The following ARID4A variants were observed in gnomAD, a reference collection of about 807,000 sequenced individuals.
ARID4A encodes AT-rich interaction domain 4A.
Under a neutral mutation model 148.6 loss-of-function variants are expected in ARID4A, and 39 were observed. The observed-to-expected ratio is 0.26, with a 90% CI of 0.20 to 0.34. The LOEUF is 0.34. ARID4A is among the 10% of genes least tolerant of loss of function. ARID4A has a pLI of 1.00. For synonymous variants in ARID4A, 475 were observed against 481.2 expected (o/e 0.99, Z 0.17); for missense variants, 1,265 against 1,449.1 (o/e 0.87, Z 2.06).
intron 23 of ARID4A, among the ~76,000 whole-genome samples, chr14:58,368,882 T>C (rs1415785228): frequency 6.6e-6 from 1 of 152,224 alleles, no homozygotes; most frequent in Non-Finnish European, 1.5e-5. Flanking sequence ...GGCACCACGT[T>C]GGTGCTCAAA....
At chr14:58,353,956 T>C (rs1415033443) in intron 17 of ARID4A, 101 bp downstream of exon 17, 1 of 1,067,582 alleles carries the variant, frequency 9.4e-7, no homozygotes, top group East Asian at 2.5e-5. Context: ...TGGTACATAT[T>C]TACAAAGCAC....
At chr14:58,343,361 T>C (rs996939624) in intron 11 of ARID4A, among the ~76,000 whole-genome samples, 3 of 152,230 alleles carry the variant, frequency 2.0e-5, no homozygotes, top group Non-Finnish European at 1.5e-5. Flanking sequence ...CCCTTTCTCT[T>C]GATTGCCTCA....
rs550303097 is a variant in ARID4A at position 58,330,746 on chromosome 14, A to G, written c.906+577A>G. The stretch of plus-strand genomic sequence containing the variant: ...TTCATTTGGCAATTTGATAAATCAT[A>G]GAAAATATTTAGATTATATGTTCTA... On this transcript the variant is annotated intron_variant, in intron 11 of 23. Coordinates refer to ENST00000355431, the MANE Select transcript of ARID4A (RefSeq NM_002892.4). Among the ~76,000 whole-genome samples the G allele has an allele frequency of 3.3e-5, 5 of 152,350 alleles. No homozygotes were observed. The East Asian group carries it at 9.6e-4, about 29-fold the overall frequency.
At chr14:58,318,455 A>T in intron 5 of ARID4A, 87 bp from the exon 6 acceptor site, 1 of 1,253,936 alleles carries the variant, frequency 8.0e-7, no homozygotes, top group Non-Finnish European at 1.2e-6. Context: ...ATTAAGCTCT[A>T]ATTAATAGCA....
At chr14:58,327,596 T>C (rs1032270781) in intron 8 of ARID4A, among the ~76,000 whole-genome samples, 2 of 152,172 alleles carry the variant, frequency 1.3e-5, no homozygotes, top group Admixed American at 1.3e-4. Context: ...TCACAGATTA[T>C]ACATTTTATT....
chr14:58,308,382 T>G (rs940580663), intron 5 of ARID4A, among the ~76,000 whole-genome samples: 2 of 152,232 alleles, frequency 1.3e-5, no homozygotes, highest in Non-Finnish European at 2.9e-5. Flanking sequence ...CAAGAATGTT[T>G]TAATAAGCAT....
At chr14:58,323,798 T>G (rs1485813081) in intron 8 of ARID4A, among the ~76,000 whole-genome samples, 181 bp downstream of exon 8, 1 of 152,146 alleles carries the variant, frequency 6.6e-6, no homozygotes, top group Non-Finnish European at 1.5e-5. Context: ...GGTTATTCTT[T>G]CTTTAATTCT....
rs1487186603 is a variant in ARID4A, at chr14:58,366,067, A to G, written c.3360A>G (p.Ser1120=). 5 of 1,613,836 alleles carry G rather than the reference A, an allele frequency of 3.1e-6. No homozygotes were observed. The highest frequency in any genetic ancestry group is 4.2e-6 in the Non-Finnish European group (5 of 1,179,766). ...DSEDLPVLDN[S]SKCTPVKHLN... is the part of the protein sequence containing the mutation. ...AAGATCTTCCTGTCCTAGACAATTCAAGTAAATGTACCCCAGTAAAGCATC... is the reference window on the plus strand; with the variant it reads ...AAGATCTTCCTGTCCTAGACAATTCGAGTAAATGTACCCCAGTAAAGCATC... Residue 1120 remains serine (S), a synonymous_variant, in exon 22 of 24, where the codon TCA becomes TCG. Coordinates refer to ENST00000355431, the MANE Select transcript of ARID4A (RefSeq NM_002892.4).
chr14:58,367,149 C>A, intron 23 of ARID4A, 120 bp downstream of exon 23: 1 of 787,462 alleles, frequency 1.3e-6, no homozygotes, highest in Non-Finnish European at 1.8e-6. Flanking sequence ...TTTTTAAATT[C>A]CTAGTGTTTT....
chr14:58,358,450 A>T (rs2034988784), intron 17 of ARID4A, among the ~76,000 whole-genome samples: 1 of 152,128 alleles, frequency 6.6e-6, no homozygotes, highest in African/African-American at 2.4e-5. Flanking sequence ...CTGGGTGACA[A>T]CATTGAAACT....
intron 7 of ARID4A, among the ~76,000 whole-genome samples, chr14:58,322,848 G>C (rs1392976163): frequency 2.0e-5 from 3 of 150,526 alleles, no homozygotes; most frequent in Admixed American, 6.7e-5. Context: ...TGTAATCCCA[G>C]CTACTCAGGA....
intron 8 of ARID4A, 143 bp from the exon 9 acceptor site, chr14:58,328,094 A>G (rs1026221068): frequency 4.7e-5 from 30 of 635,876 alleles, no homozygotes; most frequent in Non-Finnish European, 6.3e-5. Flanking sequence ...TTCATTAATA[A>G]TAGGAGCTAT....
intron 23 of ARID4A, among the ~76,000 whole-genome samples, chr14:58,370,821 G>A (rs2140281539): frequency 6.6e-6 from 1 of 152,176 alleles, no homozygotes; most frequent in South Asian, 2.1e-4. Context: ...ATGTGGCTCA[G>A]GCTGGTCTGG....
chr14:58,329,576 A>G lies in ARID4A; in HGVS notation c.711A>G (p.Leu237=), dbSNP rs775482850. The G allele has an allele frequency of 2.5e-6, 4 of 1,606,824 alleles. No homozygotes were observed. The highest frequency in any genetic ancestry group is 3.4e-6 in the Non-Finnish European group (4 of 1,173,740). The change falls in exon 10 of 24, where the codon CTA becomes CTG. Residue 237 remains leucine (L), a synonymous_variant. Transcript: ENST00000355431. ...TTAAGGAAGTAGACATTCTCAATCT[A>G]CCGGAATCTGAGCTCTCCACTAAAC... ...KDIKEVDILN[L]PESELSTKPG... is the part of the protein sequence containing the mutation.
At chr14:58,351,568 C>G in intron 16 of ARID4A, 1 of 345,978 alleles carries the variant, frequency 2.9e-6, no homozygotes, top group Non-Finnish European at 5.2e-6. Flanking sequence ...GGCTGCGCCA[C>G]CCAGTCAAAA....
chr14:58,359,278 G>C (rs192956401), intron 18 of ARID4A, 62 bp downstream of exon 18: 6 of 1,480,328 alleles, frequency 4.1e-6, no homozygotes, highest in Non-Finnish European at 5.5e-6. Context: ...TGTATTGTGT[G>C]TTTTTTAAGA....
At chr14:58,319,611 T>A (rs1040408507) in intron 7 of ARID4A, among the ~76,000 whole-genome samples, 1 of 134,708 alleles carries the variant, frequency 7.4e-6, no homozygotes, top group Non-Finnish European at 1.5e-5. Context: ...AGTGGCATGA[T>A]CTTGGCTCAC....
intron 5 of ARID4A, among the ~76,000 whole-genome samples, 158 bp from the exon 6 acceptor site, chr14:58,318,384 T>C (rs1235782178): frequency 1.3e-5 from 2 of 152,240 alleles, no homozygotes; most frequent in Non-Finnish European, 2.9e-5. Context: ...ATGAAAAATA[T>C]GGCATGGTAT....
chr14:58,344,852 C>A, intron 12 of ARID4A, 85 bp downstream of exon 12: 1 of 964,798 alleles, frequency 1.0e-6, no homozygotes, highest in South Asian at 1.5e-5. Flanking sequence ...GTTAGTATTG[C>A]AGATAAACAG....
Sources: gnomAD v4.1 joint callset for allele counts (sites outside exome capture counted in the v4.1 genomes callset) on GRCh38, gnomAD v4.1.1 for gene constraint, MANE v1.5 for transcripts, NCBI Gene and HGNC (gene_info 2026-07-23, HGNC 2026-07-21) for gene names.